Variants in GRIN2A observed in about 807,000 individuals in gnomAD.
GRIN2A encodes the protein glutamate receptor ionotropic, NMDA 2A.
GRIN2A carries 22 observed loss-of-function variants against 113.4 expected under a neutral mutation model. That is an observed-to-expected ratio of 0.19 (90% CI 0.14 to 0.28). The LOEUF is 0.28. Ranked by LOEUF, GRIN2A falls within the 10% of genes least tolerant of loss-of-function variation. The pLI, the probability that GRIN2A is intolerant of heterozygous loss-of-function variation, is 1.00. For missense variants in GRIN2A, 1,502 were observed against 1,887.0 expected, an observed-to-expected ratio of 0.80 and a Z score of 3.78; for synonymous variants, 827 against 738.4, an observed-to-expected ratio of 1.12 and a Z score of -1.94.
intron 2 of GRIN2A, among the ~76,000 whole-genome samples, chr16:9,978,086 G>A (rs1249239704): frequency 6.6e-6 from 1 of 152,154 alleles, no homozygotes; most frequent in Non-Finnish European, 1.5e-5. Flanking sequence ...TTTCTTCCAT[G>A]CAAAATGAGG....
At chr16:10,124,342 T>C (rs572649795) in intron 2 of GRIN2A, among the ~76,000 whole-genome samples, 2 of 152,254 alleles carry the variant, frequency 1.3e-5, no homozygotes, top group East Asian at 3.9e-4. Flanking sequence ...TCAGGGATCA[T>C]GTATGCAAAG....
At position 9,824,805 on chromosome 16, in the gene GRIN2A, T is replaced by C. The variant is rs530263208; in HGVS notation, c.2008-2381A>G. ...ATTATGTTCTATTTTTTTAAAAAAA[T>C]GTCTGCAATCCTTAGATTAATTTCA... On this transcript the variant is annotated intron_variant, in intron 9 of 12. Transcript: ENST00000330684. 2.6e-5 allele frequency among the ~76,000 whole-genome samples: 4 copies of C among 152,302 alleles called. No homozygotes were observed. The South Asian group carries it at 8.3e-4, about 32-fold the overall frequency.
At chr16:9,995,160 C>T (rs1236409925) in intron 2 of GRIN2A, among the ~76,000 whole-genome samples, 1 of 152,118 alleles carries the variant, frequency 6.6e-6, no homozygotes, top group Non-Finnish European at 1.5e-5. Flanking sequence ...GAGAAGGCCA[C>T]TCTGAGGAAG....
chr16:10,182,504 G>A (rs2050290991), upstream of GRIN2A: 1 of 152,230 alleles, frequency 6.6e-6, no homozygotes, highest in Non-Finnish European at 1.5e-5. Flanking sequence ...GAAGGACGCG[G>A]GCTCCCGCGG....
chr16:9,780,310 A>G (rs973590866), intron 11 of GRIN2A, among the ~76,000 whole-genome samples: 1 of 152,238 alleles, frequency 6.6e-6, no homozygotes, highest in Non-Finnish European at 1.5e-5. Flanking sequence ...GTACAAAAAT[A>G]TCCAAAGCAG....
chr16:9,914,831 A>G lies in GRIN2A; in HGVS notation c.1007+23128T>C, dbSNP rs146291667. 4.9e-5 allele frequency among the ~76,000 whole-genome samples: 7 copies of G among 142,246 alleles called. 1 individual carries two copies. The highest frequency in any genetic ancestry group is 1.8e-4 in the African/African-American group (7 of 39,430). 93.3% of individuals were successfully genotyped at this position (142,246 alleles called of 152,430 possible). A position where few individuals can be genotyped will look rare whatever the true frequency, so the allele number is the denominator to read the frequency against. Reference sequence around the variant, plus strand: ...CTACAAGACAGCTAAGGGGCAGAAGAGCCAACAGCAACATTCCCCACATGT... The same window carrying G: ...CTACAAGACAGCTAAGGGGCAGAAGGGCCAACAGCAACATTCCCCACATGT... On this transcript the variant is annotated intron_variant, in intron 3 of 12. Transcript: ENST00000330684.
intron 4 of GRIN2A, among the ~76,000 whole-genome samples, chr16:9,885,644 C>T (rs950165457): frequency 2.0e-5 from 3 of 152,206 alleles, no homozygotes; most frequent in African/African-American, 7.2e-5. Flanking sequence ...GAAAAGAAAT[C>T]GCCTCCGAGT....
intron 2 of GRIN2A, among the ~76,000 whole-genome samples, chr16:10,155,718 T>A (rs962607261): frequency 2.6e-5 from 4 of 151,916 alleles, no homozygotes; most frequent in African/African-American, 9.7e-5. Context: ...GGCCTCACAA[T>A]CATGGCAGAA....
chr16:10,158,776 C>T (rs570884778), intron 2 of GRIN2A, among the ~76,000 whole-genome samples: 13 of 152,120 alleles, frequency 8.5e-5, no homozygotes, highest in African/African-American at 2.4e-4. Context: ...GGAAATAGAT[C>T]GTAACTGCTT....
At chr16:9,858,936 T>C (rs896883230) in intron 4 of GRIN2A, among the ~76,000 whole-genome samples, 1 of 152,196 alleles carries the variant, frequency 6.6e-6, no homozygotes, top group Non-Finnish European at 1.5e-5. Flanking sequence ...ATTTATGAAA[T>C]GCTTACAAGA....
intron 2 of GRIN2A, among the ~76,000 whole-genome samples, chr16:10,084,392 G>A (rs1041751725): frequency 2.6e-5 from 4 of 152,022 alleles, no homozygotes; most frequent in African/African-American, 4.8e-5. Flanking sequence ...TCTTCTCTCC[G>A]AAAAACTGCT....
Position 10,119,376 on chromosome 16 carries a change from A to T in GRIN2A, c.414+60622T>A, listed in dbSNP as rs532037113. Among the ~76,000 whole-genome samples, 221 of 150,416 alleles carry T rather than the reference A, an allele frequency of 1.5e-3. 1 individual carries two copies. The highest frequency in any genetic ancestry group is 5.2e-3 in the African/African-American group (213 of 40,998). On this transcript the variant is annotated intron_variant, in intron 2 of 12. Transcript: ENST00000330684. ...CAAGAGGAAGGTATTTTCCAGCTTT[A>T]TTTGATGAGTTGTTTTCATGCTTAA... is the stretch of plus-strand genomic sequence containing the variant.
intron 2 of GRIN2A, among the ~76,000 whole-genome samples, chr16:9,971,486 A>C (rs2141739534): frequency 6.6e-6 from 1 of 152,290 alleles, no homozygotes; most frequent in South Asian, 2.1e-4. Flanking sequence ...CAGCAGAAAA[A>C]CCACCTAGTA....
At chr16:9,948,922 C>A (rs1013133631) in intron 2 of GRIN2A, among the ~76,000 whole-genome samples, 1 of 152,212 alleles carries the variant, frequency 6.6e-6, no homozygotes, top group Non-Finnish European at 1.5e-5. Context: ...GCTGGGTCTC[C>A]CTGAGCCTCC....
rs1276544554 is a variant in GRIN2A, at chr16:9,763,853, T to G, written c.3691A>C (p.Arg1231=). The G allele has an allele frequency of 6.2e-7, 1 of 1,613,968 alleles. No individual in the cohort carries two copies. The highest frequency in any genetic ancestry group is 8.5e-7 in the Non-Finnish European group (1 of 1,180,022). ...MPTYSGHFTM[R]SPFKCDACLR... is the part of the protein sequence containing the mutation. ...CAGGCATCGCACTTGAAGGGGGACC[T>G]CATGGTGAAGTGGCCTGAATAGGTG... The change falls in exon 13 of 13, where the codon AGG becomes CGG. Residue 1231 remains arginine (R), a synonymous_variant. Coordinates refer to ENST00000330684, the MANE Select transcript of GRIN2A (RefSeq NM_001134407.3).
chr16:10,112,532 A>G, intron 2 of GRIN2A: 1 of 805,526 alleles, frequency 1.2e-6, no homozygotes, highest in East Asian at 2.4e-5. Context: ...CACAGTGATG[A>G]TGGGCTCCCT....
intron 2 of GRIN2A, among the ~76,000 whole-genome samples, chr16:10,045,834 G>A (rs1002865667): frequency 1.3e-5 from 2 of 152,192 alleles, no homozygotes; most frequent in African/African-American, 4.8e-5. Flanking sequence ...CCTACAGGAG[G>A]CTCAGGATTA....
chr16:9,885,344 C>G (rs1216371688), intron 4 of GRIN2A, among the ~76,000 whole-genome samples: 1 of 152,142 alleles, frequency 6.6e-6, no homozygotes, highest in African/African-American at 2.4e-5. Flanking sequence ...TTGAGCATCT[C>G]TGGGAAGCCT....
intron 11 of GRIN2A, among the ~76,000 whole-genome samples, chr16:9,783,587 G>C (rs1433464904): frequency 6.6e-6 from 1 of 152,158 alleles, no homozygotes; most frequent in African/African-American, 2.4e-5. Context: ...CTAACGCTTA[G>C]AAGTGCCAAA....
Sources: allele counts gnomAD v4.1 joint callset (sites outside exome capture counted in the v4.1 genomes callset), GRCh38; gene constraint gnomAD v4.1.1; transcripts MANE v1.5; gene names NCBI Gene and HGNC (gene_info 2026-07-23, HGNC 2026-07-21).